Variants in ZC3H6 observed in about 807,000 individuals in gnomAD.
ZC3H6 encodes zinc finger CCCH-type containing 6, also known as zinc finger CCCH domain-containing protein 6.
In ZC3H6, 40 loss-of-function variants were observed where a neutral mutation model predicts 107.7. That is an observed-to-expected ratio of 0.37 (90% CI 0.29 to 0.48). ZC3H6 has a LOEUF of 0.48. ZC3H6 is among the 20% of genes least tolerant of loss of function. The pLI is 0.98. For synonymous variants in ZC3H6, 493 were observed against 487.9 expected (o/e 1.01, Z -0.14); for missense variants, 1,267 against 1,410.4 (o/e 0.90, Z 1.63).
chr2:112,321,353 A>G (rs1251524656), intron 7 of ZC3H6, among the ~76,000 whole-genome samples: 5 of 129,590 alleles, frequency 3.9e-5, no homozygotes, highest in African/African-American at 1.7e-4. Context: ...AGTGTTTGCT[A>G]TAATAGTGAT....
chr2:112,331,649 CTAAA>C lies in ZC3H6; in HGVS notation c.2734_2737del (p.Asn912AspfsTer20). The C allele has an allele frequency of 6.2e-7, 1 of 1,613,902 alleles. No homozygotes were observed. Among genetic ancestry groups the C allele is most frequent in the Non-Finnish European group, 8.5e-7 (1 of 1,179,880 alleles). On this transcript the variant is annotated frameshift_variant, in exon 12 of 12. Transcript: ENST00000409871. LOFTEE classifies it high-confidence loss of function. Reference sequence around the variant, plus strand: ...GCCCCCACTTATAGCTGACCAGAGGCTAAATAGATTATGGAATACAAAAAGTGAT... The same window carrying C: ...GCCCCCACTTATAGCTGACCAGAGGCTAGATTATGGAATACAAAAAGTGAT...
intron 1 of ZC3H6, among the ~76,000 whole-genome samples, chr2:112,294,200 A>G (rs1676180791): frequency 1.3e-5 from 2 of 152,204 alleles, no homozygotes; most frequent in Admixed American, 6.5e-5. Context: ...GGGCTTACGT[A>G]AGTAGCCTAT....
chr2:112,299,906 A>G lies in ZC3H6; in HGVS notation c.90A>G (p.Gln30=). ...ACGATGCAGGATTTGAAGAAATACAAGAAAAAGAAGCAAAAGAGAATGAAA... is the reference window on the plus strand; with the variant it reads ...ACGATGCAGGATTTGAAGAAATACAGGAAAAAGAAGCAAAAGAGAATGAAA... The part of the protein sequence containing the change: ...EIDDAGFEEI[Q]EKEAKENEKQ... Residue 30 remains glutamine (Q), a synonymous_variant, in exon 2 of 12, where the codon CAA becomes CAG. Transcript: ENST00000409871. 1 of 1,506,412 alleles carries G rather than the reference A, an allele frequency of 6.6e-7. No homozygotes were observed. 93.3% of individuals were successfully genotyped at this position (1,506,412 alleles called of 1,614,324 possible).
At chr2:112,276,263 G>GCCGGGCACGTGCGAGCCCCCCGC (rs1209454347) in intron 1 of ZC3H6, among the ~76,000 whole-genome samples, 21 of 148,878 alleles carry the variant, frequency 1.4e-4, no homozygotes, top group African/African-American at 5.1e-4. Flanking sequence ...CCCGCCCCCG[G>GCCGGGCACGTGCGAGCCCCCCGC]CCGGGCACGT....
chr2:112,316,318 T>C (rs964531133), intron 5 of ZC3H6, among the ~76,000 whole-genome samples, 152 bp from the exon 6 acceptor site: 4 of 152,142 alleles, frequency 2.6e-5, no homozygotes, highest in Non-Finnish European at 5.9e-5. Flanking sequence ...TAGACACATA[T>C]CTCTCTCCAA....
intron 2 of ZC3H6, among the ~76,000 whole-genome samples, chr2:112,302,548 A>G (rs1359526713): frequency 3.3e-5 from 5 of 152,152 alleles, no homozygotes; most frequent in African/African-American, 1.2e-4. Flanking sequence ...TTGCTAGGAA[A>G]TGTAAGAACT....
Position 112,334,830 on chromosome 2 carries a change from T to C in ZC3H6, c.*2342T>C, listed in dbSNP as rs1677112642. The C allele has an allele frequency of 6.6e-6, 1 of 152,578 alleles. No individual in the cohort carries two copies. Among genetic ancestry groups the C allele is most frequent in the Non-Finnish European group, 1.5e-5 (1 of 67,996 alleles). The allele number at this position is 152,578 out of a possible 1,614,324, so 9.5% of individuals were successfully genotyped here. A position where few individuals can be genotyped will look rare whatever the true frequency, so the allele number is the denominator to read the frequency against. Reference sequence around the variant, plus strand: ...TTTTCCCCCAATGAATACCTCTTCTTTTAGGTCAATTGGTGTTTTTAGAAT... The same window carrying C: ...TTTTCCCCCAATGAATACCTCTTCTCTTAGGTCAATTGGTGTTTTTAGAAT... On this transcript the variant is annotated 3_prime_UTR_variant, in exon 12 of 12. Coordinates refer to ENST00000409871, the MANE Select transcript of ZC3H6 (RefSeq NM_198581.3).
intron 1 of ZC3H6, among the ~76,000 whole-genome samples, chr2:112,292,021 C>T (rs1676131403): frequency 6.6e-6 from 1 of 152,142 alleles, no homozygotes; most frequent in Non-Finnish European, 1.5e-5. Context: ...TTGGCCAGTT[C>T]TAGGCATTAA....
At position 112,332,609 on chromosome 2, in the gene ZC3H6, G is replaced by T; in HGVS notation, c.*121G>T. ...AATTATAAACACTTTTCAGCTGCTA[G>T]TATCAGAACCACATGAAGTTATAGC... On this transcript the variant is annotated 3_prime_UTR_variant, in exon 12 of 12. Transcript: ENST00000409871. The T allele has an allele frequency of 5.2e-6, 5 of 968,360 alleles. No individual in the cohort carries two copies. The highest frequency in any genetic ancestry group is 7.4e-6 in the Non-Finnish European group (5 of 675,258). 60.0% of individuals were successfully genotyped at this position (968,360 alleles called of 1,614,324 possible). A position where few individuals can be genotyped will look rare whatever the true frequency, so the allele number is the denominator to read the frequency against.
intron 1 of ZC3H6, among the ~76,000 whole-genome samples, chr2:112,288,555 A>G (rs143513580): frequency 2.0e-5 from 3 of 152,326 alleles, no homozygotes; most frequent in Non-Finnish European, 2.9e-5. Context: ...TAATTTGTTC[A>G]TGTTCATATA....
intron 1 of ZC3H6, among the ~76,000 whole-genome samples, chr2:112,298,266 C>T (rs1676282151): frequency 6.6e-6 from 1 of 151,716 alleles, no homozygotes; most frequent in Admixed American, 6.6e-5. Context: ...TAGTATGACC[C>T]CAATCCAAAA....
intron 9 of ZC3H6, 76 bp from the exon 10 acceptor site, chr2:112,324,076 A>G: frequency 6.9e-7 from 1 of 1,442,806 alleles, no homozygotes; most frequent in South Asian, 1.5e-5. Context: ...CTTAACCAAT[A>G]TCTGTTTAGA....
intron 7 of ZC3H6, among the ~76,000 whole-genome samples, chr2:112,318,765 A>G (rs781755142): frequency 6.6e-6 from 1 of 152,142 alleles, no homozygotes; most frequent in Non-Finnish European, 1.5e-5. Context: ...TTTCTCCACA[A>G]TAGACCTGGG....
At chr2:112,285,210 A>G (rs560763125) in intron 1 of ZC3H6, among the ~76,000 whole-genome samples, 7 of 152,310 alleles carry the variant, frequency 4.6e-5, no homozygotes, top group Non-Finnish European at 5.9e-5. Context: ...ATTCATAATC[A>G]TTGTGACATT....
chr2:112,311,679 C>G, intron 4 of ZC3H6, 125 bp from the exon 5 acceptor site: 2 of 786,788 alleles, frequency 2.5e-6, no homozygotes, highest in Non-Finnish European at 3.7e-6. Context: ...TTCATTGAAT[C>G]TAGAAGGAAA....
rs1357283686 is a variant in ZC3H6, at chr2:112,338,034, C to G, written c.*5546C>G. 6.6e-6 allele frequency: 1 copy of G among 152,176 alleles called. No individual in the cohort carries two copies. The allele number at this position is 152,176 out of a possible 1,614,324, so 9.4% of individuals were successfully genotyped here. A position where few individuals can be genotyped will look rare whatever the true frequency, so the allele number is the denominator to read the frequency against. ...GCATGATCTTGGCTCACTGCAACCT[C>G]TGCCTCTGGGTTCAAGCAATTCTCC... On this transcript the variant is annotated 3_prime_UTR_variant, in exon 12 of 12. Coordinates refer to ENST00000409871, the MANE Select transcript of ZC3H6 (RefSeq NM_198581.3).
chr2:112,328,776 T>C (rs1182974761), intron 11 of ZC3H6, among the ~76,000 whole-genome samples: 1 of 151,956 alleles, frequency 6.6e-6, no homozygotes, highest in African/African-American at 2.4e-5. Context: ...TTGTCTCTAC[T>C]AAAAATGTAA....
At chr2:112,316,434 C>A in intron 5 of ZC3H6, 36 bp from the exon 6 acceptor site, 1 of 1,282,476 alleles carries the variant, frequency 7.8e-7, no homozygotes, top group South Asian at 1.3e-5. Flanking sequence ...ATTAATATTT[C>A]ATATGCTGCA....
chr2:112,288,864 TAG>T (rs1676006665), intron 1 of ZC3H6, among the ~76,000 whole-genome samples: 2 of 152,314 alleles, frequency 1.3e-5, no homozygotes, highest in African/African-American at 4.8e-5. Flanking sequence ...AAATTGCTGT[TAG>T]GGCAATCACC....
Sources: allele counts gnomAD v4.1 joint callset (sites outside exome capture counted in the v4.1 genomes callset), GRCh38; gene constraint gnomAD v4.1.1; transcripts MANE v1.5; gene names NCBI Gene and HGNC (gene_info 2026-07-23, HGNC 2026-07-21).